The following USP43 variants were observed in gnomAD, a reference collection of about 807,000 sequenced individuals.
The protein encoded by USP43 is ubiquitin carboxyl-terminal hydrolase 43.
In USP43, 33 loss-of-function variants were observed where a neutral mutation model predicts 90.7. That is an observed-to-expected ratio of 0.36 (90% CI 0.28 to 0.49). USP43 has a LOEUF of 0.49. Among genes scored for constraint, USP43 ranks in the 20% least tolerant of loss-of-function variants. The pLI is 0.98. For synonymous variants in USP43, 598 were observed against 615.8 expected, an observed-to-expected ratio of 0.97 and a Z score of 0.43; for missense variants, 1,274 against 1,476.4, an observed-to-expected ratio of 0.86 and a Z score of 2.25.
At position 9,669,288 on chromosome 17, in the gene USP43, G is replaced by C. The variant is rs191287114; in HGVS notation, c.740+2537G>C. On this transcript the variant is annotated intron_variant, in intron 3 of 14. Transcript: ENST00000285199. ...ATAAGGTGAAGGCATGTTAGAGAGA[G>C]GGGAGAGATCACTGATCATCGCCAG... Among the ~76,000 whole-genome samples, 609 of 152,306 alleles carry C rather than the reference G, an allele frequency of 4.0e-3. 2 individuals carry two copies. The highest frequency in any genetic ancestry group is 0.014 in the African/African-American group (562 of 41,568).
At chr17:9,666,852 A>G (rs928769373) in intron 3 of USP43, 101 bp downstream of exon 3, 25 of 915,840 alleles carry the variant, frequency 2.7e-5, no homozygotes, top group Non-Finnish European at 4.4e-5. Flanking sequence ...AGATTTCAAA[A>G]CAACAAAACC....
Position 9,728,163 on chromosome 17 carries a change from A to G in USP43, c.2545A>G (p.Ile849Val). 6.2e-7 allele frequency: 1 copy of G among 1,613,968 alleles called. No individual in the cohort carries two copies. The highest frequency in any genetic ancestry group is 1.1e-5 in the South Asian group (1 of 91,076). ...RRRPRSTSQSIVSLLTGTAGE... is the reference protein window; with the variant it reads ...RRRPRSTSQSVVSLLTGTAGE... Reference sequence around the variant, plus strand: ...AAGACCTCGGTCCACGAGCCAGTCCATTGTGTCGCTGTTGACGGGCACTGC... The same window carrying G: ...AAGACCTCGGTCCACGAGCCAGTCCGTTGTGTCGCTGTTGACGGGCACTGC... The change falls in exon 15 of 15, where the codon ATT (isoleucine) becomes GTT (valine). Residue 849 changes from isoleucine to valine, a missense_variant. This residue lies in a region of USP43 where 285 missense variants were observed against 349.6 expected (regional missense o/e 0.82). Transcript: ENST00000285199. The surrounding 1 kb of genome is among the most constrained non-coding windows in gnomAD (Gnocchi z 6.2).
chr17:9,671,291 T>C (rs1309377610), intron 3 of USP43, among the ~76,000 whole-genome samples: 1 of 152,022 alleles, frequency 6.6e-6, no homozygotes, highest in Admixed American at 6.6e-5. Flanking sequence ...TGTGTGTGTG[T>C]GTGTGTGTGC....
intron 3 of USP43, among the ~76,000 whole-genome samples, chr17:9,670,694 G>A (rs1828204075): frequency 1.3e-5 from 2 of 152,132 alleles, no homozygotes; most frequent in South Asian, 4.1e-4. Context: ...GACTTGGCGT[G>A]GGATGAATCG....
At chr17:9,668,804 T>C (rs113197059) in intron 3 of USP43, among the ~76,000 whole-genome samples, 2,842 of 152,270 alleles carry the variant, frequency 0.019, 73 homozygotes, top group African/African-American at 0.056. Flanking sequence ...TTGAAAGCTA[T>C]TGGCCATGAA....
At chr17:9,655,018 A>G (rs1188628288) in intron 1 of USP43, among the ~76,000 whole-genome samples, 1 of 149,244 alleles carries the variant, frequency 6.7e-6, no homozygotes, top group Non-Finnish European at 1.5e-5. Context: ...GATTACAGGC[A>G]TGAGCCACTG....
chr17:9,657,508 A>C (rs1204593580), intron 2 of USP43, among the ~76,000 whole-genome samples: 2 of 151,346 alleles, frequency 1.3e-5, no homozygotes, highest in Non-Finnish European at 2.9e-5. Context: ...TCAAAAAAAA[A>C]AGAAAAGAAA....
rs776446683 is a variant in USP43, at chr17:9,659,238, CA to C, written c.636+2705del. Reference sequence around the variant, plus strand: ...TGTTTGTCGAATGTTTGTTATGTGCCAGGGGTGTAACTTGATGCTTTGCACA... The same window carrying C: ...TGTTTGTCGAATGTTTGTTATGTGCCGGGGTGTAACTTGATGCTTTGCACA... On this transcript the variant is annotated intron_variant, in intron 2 of 14. Transcript: ENST00000285199. 1.4e-3 allele frequency among the ~76,000 whole-genome samples: 213 copies of C among 152,164 alleles called. 1 individual carries two copies. Among genetic ancestry groups the C allele is most frequent in the East Asian group, 3.9e-3 (20 of 5,178 alleles).
chr17:9,649,711 A>C (rs1911727965), intron 1 of USP43, among the ~76,000 whole-genome samples: 1 of 151,918 alleles, frequency 6.6e-6, no homozygotes, highest in African/African-American at 2.4e-5. Flanking sequence ...AAATGTAGAA[A>C]AAAAAAGAGA....
intron 2 of USP43, among the ~76,000 whole-genome samples, chr17:9,658,352 A>T (rs1048246720): frequency 3.3e-5 from 5 of 152,096 alleles, no homozygotes; most frequent in Admixed American, 2.6e-4. Context: ...CTCCCTTAAA[A>T]TGTCAACTTA....
At chr17:9,719,512 C>G (rs759172526) in intron 14 of USP43, among the ~76,000 whole-genome samples, 4 of 152,194 alleles carry the variant, frequency 2.6e-5, no homozygotes, top group African/African-American at 9.6e-5. Flanking sequence ...AAGGGGATAT[C>G]TGAGATTCGG....
chr17:9,689,104 T>TGAATGTA (rs752842473), intron 8 of USP43, among the ~76,000 whole-genome samples: 220 of 152,316 alleles, frequency 1.4e-3, no homozygotes, highest in Non-Finnish European at 2.9e-3. Context: ...GAATGTATGG[T>TGAATGTA]CAGACATGCT....
intron 8 of USP43, among the ~76,000 whole-genome samples, chr17:9,691,517 T>C (rs899565622): frequency 2.0e-5 from 3 of 152,202 alleles, no homozygotes; most frequent in Admixed American, 1.3e-4. Flanking sequence ...TTCTTTTGAC[T>C]TGTGAATCAT....
At chr17:9,665,205 G>A (rs1420260115) in intron 2 of USP43, among the ~76,000 whole-genome samples, 1 of 152,190 alleles carries the variant, frequency 6.6e-6, no homozygotes, top group East Asian at 1.9e-4. Flanking sequence ...CAGAAGCCCT[G>A]AGGTGAGATA....
At chr17:9,653,872 A>C (rs1912045320) in intron 1 of USP43, among the ~76,000 whole-genome samples, 1 of 152,160 alleles carries the variant, frequency 6.6e-6, no homozygotes, top group Non-Finnish European at 1.5e-5. Context: ...GTCCCTCCTT[A>C]GGTAGATATT....
At chr17:9,672,992 A>G (rs73255755) in intron 3 of USP43, among the ~76,000 whole-genome samples, 3,800 of 152,224 alleles carry the variant, frequency 0.025, 122 homozygotes, top group African/African-American at 0.075. Context: ...TCTGATACCA[A>G]CTTTGGCTTA....
At chr17:9,685,155 G>C (rs951566446) in intron 7 of USP43, among the ~76,000 whole-genome samples, 1 of 152,222 alleles carries the variant, frequency 6.6e-6, no homozygotes, top group African/African-American at 2.4e-5. Context: ...GCCCTTGCCT[G>C]TCCAGACAGA....
rs952403523 is a variant in USP43, at chr17:9,709,440, G to C, written c.2012-516G>C. Among the ~76,000 whole-genome samples the C allele has an allele frequency of 6.6e-6, 1 of 152,178 alleles. No homozygotes were observed. The highest frequency in any genetic ancestry group is 6.5e-5 in the Admixed American group (1 of 15,278). On this transcript the variant is annotated intron_variant, in intron 12 of 14. Transcript: ENST00000285199. This position sits in a 1 kb window ranked among gnomAD's most constrained non-coding sequence, Gnocchi z 5.0. ...TTAAAATAACAGCACTCTTGGCCGG[G>C]CATGGTGGCTCAGGCCTGTAATCCC...
At chr17:9,659,700 G>A (rs1198665580) in intron 2 of USP43, among the ~76,000 whole-genome samples, 1 of 152,096 alleles carries the variant, frequency 6.6e-6, no homozygotes, top group Non-Finnish European at 1.5e-5. Flanking sequence ...GCAGGAAAAG[G>A]CATTGATTGG....
Sources: allele counts gnomAD v4.1 joint callset (sites outside exome capture counted in the v4.1 genomes callset), GRCh38; gene constraint gnomAD v4.1.1; regional missense constraint gnomAD v4.1.1; non-coding constraint Gnocchi (gnomAD v3.1); transcripts MANE v1.5; gene names NCBI Gene and HGNC (gene_info 2026-07-23, HGNC 2026-07-21).